The following DDX42 variants were observed in gnomAD, a reference collection of about 807,000 sequenced individuals.
DDX42 encodes DEAD-box helicase 42, also known as ATP-dependent RNA helicase DDX42.
In DDX42, 22 loss-of-function variants were observed where a neutral mutation model predicts 101.5. The observed-to-expected ratio is 0.22, with a 90% CI of 0.15 to 0.31. The LOEUF is 0.31. Ranked by LOEUF, DDX42 falls within the 10% of genes least tolerant of loss-of-function variation. The pLI, the probability that DDX42 is intolerant of heterozygous loss-of-function variation, is 1.00. For synonymous variants in DDX42, 402 were observed against 401.2 expected, an observed-to-expected ratio of 1.00 and a Z score of -0.02; for missense variants, 849 against 1,199.9, an observed-to-expected ratio of 0.71 and a Z score of 4.32.
chr17:63,811,478 G>T (rs1001329126), intron 13 of DDX42: 4 of 366,648 alleles, frequency 1.1e-5, no homozygotes, highest in Non-Finnish European at 2.0e-5. Context: ...AAAAAGATGT[G>T]CCTGGAAGCA....
Position 63,816,859 on chromosome 17 carries a change from T to C in DDX42, c.2014-9T>C. On this transcript the variant is annotated splice_polypyrimidine_tract_variant and intron_variant, in intron 16 of 17. Transcript: ENST00000389924. The stretch of plus-strand genomic sequence containing the variant: ...TTTTTCATTCTCATAGATGTGTTTA[T>C]TTTTTTAGGATCGAGGAAATAACAA... The C allele has an allele frequency of 6.2e-7, 1 of 1,607,110 alleles. No homozygotes were observed. The highest frequency in any genetic ancestry group is 8.5e-7 in the Non-Finnish European group (1 of 1,176,476).
At chr17:63,794,788 TAGCC>T (rs778829284) in intron 3 of DDX42, among the ~76,000 whole-genome samples, 2 of 151,572 alleles carry the variant, frequency 1.3e-5, no homozygotes, top group Non-Finnish European at 2.9e-5. Flanking sequence ...CAAAAAAAAT[TAGCC>T]AGGCATGGTG....
intron 3 of DDX42, among the ~76,000 whole-genome samples, chr17:63,793,155 C>T (rs2039649522): frequency 6.6e-6 from 1 of 152,004 alleles, no homozygotes; most frequent in Non-Finnish European, 1.5e-5. Flanking sequence ...TAAAATGAAC[C>T]TTCATGTACC....
At chr17:63,790,183 G>T (rs1041237146) in intron 2 of DDX42, among the ~76,000 whole-genome samples, 4 of 152,062 alleles carry the variant, frequency 2.6e-5, no homozygotes, top group Non-Finnish European at 4.4e-5. Context: ...CCTACTATAT[G>T]AATGAATATG....
chr17:63,814,147 G>C (rs1426683359), intron 15 of DDX42, among the ~76,000 whole-genome samples: 2 of 152,136 alleles, frequency 1.3e-5, no homozygotes, highest in East Asian at 3.9e-4. Context: ...TGCCCAGCCT[G>C]TATGGTGCCT....
chr17:63,793,870 A>G (rs1433650672), intron 3 of DDX42, among the ~76,000 whole-genome samples: 5 of 148,444 alleles, frequency 3.4e-5, no homozygotes, highest in East Asian at 1.9e-4. Context: ...ATATATATAT[A>G]TATATATATA....
intron 5 of DDX42, among the ~76,000 whole-genome samples, chr17:63,799,910 TAAATC>T (rs2039741900): frequency 6.6e-6 from 1 of 152,244 alleles, no homozygotes; most frequent in Admixed American, 6.5e-5. Context: ...TTTATTCTGA[TAAATC>T]AAGTGGTAGA....
At position 63,796,863 on chromosome 17, in the gene DDX42, A is replaced by G. The variant is rs188298837; in HGVS notation, c.373-1175A>G. On this transcript the variant is annotated intron_variant, in intron 3 of 17. Coordinates refer to ENST00000389924, the MANE Select transcript of DDX42 (RefSeq NM_203499.3). ...GTATGCATTGCTTCTCTTTAAAACA[A>G]TTTCTCTTCATCAGGAACATTTGGT... Among the ~76,000 whole-genome samples the G allele has an allele frequency of 2.2e-3, 338 of 152,240 alleles. 1 individual carries two copies. Among genetic ancestry groups the G allele is most frequent in the African/African-American group, 7.4e-3 (309 of 41,538 alleles).
At chr17:63,782,881 C>A (rs1160670631) in intron 1 of DDX42, among the ~76,000 whole-genome samples, 1 of 152,078 alleles carries the variant, frequency 6.6e-6, no homozygotes, top group African/African-American at 2.4e-5. Flanking sequence ...TTAGCATAGC[C>A]TTCTAAGCTG....
At chr17:63,811,315 A>T in intron 13 of DDX42, 142 bp downstream of exon 13, 1 of 623,406 alleles carries the variant, frequency 1.6e-6, no homozygotes, top group Non-Finnish European at 2.6e-6. Flanking sequence ...GGTATTTTGC[A>T]AGTTGTGGGG....
chr17:63,814,851 G>A (rs2039958076), intron 15 of DDX42, among the ~76,000 whole-genome samples: 1 of 151,922 alleles, frequency 6.6e-6, no homozygotes, highest in African/African-American at 2.4e-5. Context: ...CACCATGCCT[G>A]GCTAATTTTT....
chr17:63,813,040 C>T (rs771882651), intron 14 of DDX42, among the ~76,000 whole-genome samples, 188 bp from the exon 15 acceptor site: 7 of 151,984 alleles, frequency 4.6e-5, no homozygotes, highest in Non-Finnish European at 1.0e-4. Flanking sequence ...ATAAAAGTCC[C>T]TTACACTAGA....
chr17:63,808,922 G>C lies in DDX42; in HGVS notation c.1126G>C (p.Gly376Arg), dbSNP rs1156594370. The change falls in exon 10 of 18, where the codon GGG (glycine) becomes CGG (arginine). Residue 376 changes from glycine to arginine, a missense_variant. By Grantham distance (125) the Gly-to-Arg change is moderately radical. Around this residue, in one of 5 missense-constraint regions of DDX42, gnomAD observed 370 missense variants for 608.8 expected, o/e 0.61. Transcript: ENST00000389924. ...MWEQAKALQE[G>R]AEIVVCTPGR... is the part of the protein sequence containing the mutation. ...GGAGCAGGCCAAGGCCCTTCAGGAG[G>C]GGGCAGAGATTGTTGTGTGTACCCC... The C allele has an allele frequency of 6.2e-7, 1 of 1,613,874 alleles. No homozygotes were observed. The highest frequency in any genetic ancestry group is 8.5e-7 in the Non-Finnish European group (1 of 1,179,900).
intron 6 of DDX42, among the ~76,000 whole-genome samples, chr17:63,803,162 C>T (rs1273217083): frequency 6.6e-6 from 1 of 152,100 alleles, no homozygotes; most frequent in Non-Finnish European, 1.5e-5. Context: ...AAAAGCTCAA[C>T]TCAAAATACA....
intron 10 of DDX42, 78 bp downstream of exon 10, chr17:63,809,026 C>A: frequency 6.4e-7 from 1 of 1,560,620 alleles, no homozygotes; most frequent in Non-Finnish European, 8.7e-7. Flanking sequence ...AGAGAATTTC[C>A]CCTAAAGTGT....
chr17:63,777,950 G>A (rs1190601495), intron 1 of DDX42, among the ~76,000 whole-genome samples: 1 of 152,158 alleles, frequency 6.6e-6, no homozygotes, highest in African/African-American at 2.4e-5. Context: ...GAGACCCTGG[G>A]AAATATGAAT....
chr17:63,810,567 A>G lies in DDX42; in HGVS notation c.1300+7A>G. ...GTTCGTCCTGACAGGCAGAGTATGT[A>G]TGAAGCACCTTTGTTAAACCAAATT... On this transcript the variant is annotated splice_region_variant and intron_variant, in intron 12 of 17. Transcript: ENST00000389924. 6.2e-7 allele frequency: 1 copy of G among 1,614,086 alleles called. No homozygotes were observed. The highest frequency in any genetic ancestry group is 8.5e-7 in the Non-Finnish European group (1 of 1,179,988).
chr17:63,810,614 T>G, intron 12 of DDX42, 54 bp downstream of exon 12: 2 of 1,533,614 alleles, frequency 1.3e-6, no homozygotes, highest in Non-Finnish European at 1.8e-6. Context: ...GGGCACTTAT[T>G]TATTTTATAA....
chr17:63,804,242 T>C (rs2039810866), intron 6 of DDX42, among the ~76,000 whole-genome samples: 1 of 151,846 alleles, frequency 6.6e-6, no homozygotes, highest in East Asian at 1.9e-4. Flanking sequence ...CCCAGGAGTT[T>C]GAGTCTAGCC....
Sources: gnomAD v4.1 joint callset for allele counts (sites outside exome capture counted in the v4.1 genomes callset) on GRCh38, gnomAD v4.1.1 for gene constraint, gnomAD v4.1.1 regional missense constraint, MANE v1.5 for transcripts, NCBI Gene and HGNC (gene_info 2026-07-23, HGNC 2026-07-21) for gene names.